Variants in PDE10A observed in about 807,000 individuals in gnomAD.
PDE10A encodes the protein cAMP and cAMP-inhibited cGMP 3',5'-cyclic phosphodiesterase 10A.
PDE10A carries 39 observed loss-of-function variants against 97.7 expected under a neutral mutation model. The ratio of observed to expected loss-of-function variants is 0.40; its 90% CI spans 0.31 to 0.52. The LOEUF (loss-of-function observed/expected upper bound fraction) is 0.52. Ranked by LOEUF, PDE10A falls within the 20% of genes least tolerant of loss-of-function variation. PDE10A has a pLI of 0.56. For missense variants in PDE10A, 731 were observed against 1,047.8 expected, an observed-to-expected ratio of 0.70 and a Z score of 4.17; for synonymous variants, 371 against 376.8, an observed-to-expected ratio of 0.98 and a Z score of 0.18.
At position 165,743,479 on chromosome 6, in the gene PDE10A, T is replaced by C. The variant is rs76397574; in HGVS notation, c.-614-199911A>G. ...AGGCATGCCTTCATCACACAAAGGC[T>C]GCCTTCATTTGCATCTCCGTCTGTA... On this transcript the variant is annotated intron_variant, in intron 1 of 19. Transcript: ENST00000366882. 1.4e-4 allele frequency among the ~76,000 whole-genome samples: 21 copies of C among 152,354 alleles called. No homozygotes were observed. The East Asian group carries it at 3.1e-3, about 22-fold the overall frequency.
chr6:165,944,550 CTGTG>C (rs1403310756), intron 1 of PDE10A, among the ~76,000 whole-genome samples: 1 of 152,182 alleles, frequency 6.6e-6, no homozygotes, highest in Non-Finnish European at 1.5e-5. Context: ...AAATGTATAA[CTGTG>C]TGCTACCATT....
intron 1 of PDE10A, among the ~76,000 whole-genome samples, chr6:165,902,265 T>G (rs1276353321): frequency 6.6e-6 from 1 of 152,232 alleles, no homozygotes; most frequent in Non-Finnish European, 1.5e-5. Context: ...CTCAGAGATC[T>G]GCAAACAGAT....
At chr6:165,413,217 A>G (rs1788029038) in intron 13 of PDE10A, among the ~76,000 whole-genome samples, 1 of 152,210 alleles carries the variant, frequency 6.6e-6, no homozygotes, top group South Asian at 2.1e-4. Flanking sequence ...AGATACCATT[A>G]AATATAAGAC....
chr6:165,501,454 A>AGGCTACTCG (rs1780879887), intron 2 of PDE10A, among the ~76,000 whole-genome samples: 1 of 152,006 alleles, frequency 6.6e-6, no homozygotes, highest in Non-Finnish European at 1.5e-5. Flanking sequence ...CCAGCTACTC[A>AGGCTACTCG]GGAGGCTACT....
chr6:165,662,126 C>A lies in PDE10A; in HGVS notation c.686G>T (p.Gly229Val), dbSNP rs1430249345. 4.3e-6 allele frequency: 4 copies of A among 934,802 alleles called. No individual in the cohort carries two copies. The highest frequency in any genetic ancestry group is 3.9e-6 in the Non-Finnish European group (3 of 777,324). The allele number at this position is 934,802 out of a possible 1,614,324, so 57.9% of individuals were successfully genotyped here. ...GCCGGCGCCGGGGAAGCCGGGGGAG[C>A]CCGCGCGGCGGGCGGCCTGGCCAAG... Reference protein sequence around the residue: ...LPLGQAARRAGSPGFPGAGPG... With the variant: ...LPLGQAARRAVSPGFPGAGPG... Residue 229 changes from glycine to valine, a missense_variant, in exon 1 of 22, where the codon GGC becomes GTC. By Grantham distance (109) the Gly-to-Val change is moderately radical. Coordinates refer to ENST00000539869, the MANE Select transcript of PDE10A (RefSeq NM_001385079.1).
intron 3 of PDE10A, among the ~76,000 whole-genome samples, chr6:165,477,337 A>T (rs1256539094): frequency 6.6e-6 from 1 of 152,018 alleles, no homozygotes; most frequent in Non-Finnish European, 1.5e-5. Flanking sequence ...CTGGTCCCAC[A>T]TCATTTACCC....
intron 1 of PDE10A, among the ~76,000 whole-genome samples, chr6:165,633,952 CAG>C (rs1788753890): frequency 6.6e-6 from 1 of 152,090 alleles, no homozygotes. Context: ...CAAATGTAAA[CAG>C]ACTCATAGGG....
chr6:165,509,275 T>G (rs1350939721), intron 2 of PDE10A, among the ~76,000 whole-genome samples: 1 of 152,008 alleles, frequency 6.6e-6, no homozygotes, highest in African/African-American at 2.4e-5. Context: ...TCCTTTCTTC[T>G]GGCTACTTTA....
chr6:165,598,962 C>T (rs1786774251), intron 1 of PDE10A, among the ~76,000 whole-genome samples: 1 of 152,024 alleles, frequency 6.6e-6, no homozygotes, highest in Admixed American at 6.6e-5. Flanking sequence ...TCTTTTCTAC[C>T]CTACGCAGAC....
At chr6:165,949,356 A>T (rs300101) in intron 1 of PDE10A, 1 of 152,068 alleles carries the variant, frequency 6.6e-6, no homozygotes. Context: ...GGAGGTGCCC[A>T]TGGCAGATGC....
chr6:165,458,688 C>G (rs1338216057), intron 3 of PDE10A, among the ~76,000 whole-genome samples: 2 of 151,656 alleles, frequency 1.3e-5, no homozygotes, highest in Non-Finnish European at 2.9e-5. Flanking sequence ...CACACACTCA[C>G]ACACACACAC....
intron 1 of PDE10A, among the ~76,000 whole-genome samples, chr6:165,737,562 A>G (rs895135409): frequency 6.6e-6 from 1 of 152,250 alleles, no homozygotes; most frequent in Non-Finnish European, 1.5e-5. Context: ...TGGTCATCTC[A>G]GTAGATGCAA....
At chr6:165,345,842 A>G (rs1434404969) in intron 18 of PDE10A, among the ~76,000 whole-genome samples, 1 of 152,232 alleles carries the variant, frequency 6.6e-6, no homozygotes, top group East Asian at 1.9e-4. Flanking sequence ...CAACAGGTCA[A>G]AACTTTCATG....
At chr6:165,578,349 G>A (rs1444831800) in intron 1 of PDE10A, among the ~76,000 whole-genome samples, 1 of 152,010 alleles carries the variant, frequency 6.6e-6, no homozygotes, top group Non-Finnish European at 1.5e-5. Context: ...CTCCCTGCAA[G>A]AATCCAGAAG....
intron 1 of PDE10A, among the ~76,000 whole-genome samples, chr6:165,718,528 T>C (rs941535783): frequency 2.0e-4 from 30 of 152,224 alleles, no homozygotes; most frequent in African/African-American, 6.7e-4. Context: ...CAGGATGCAA[T>C]GAGAATCAAC....
intron 1 of PDE10A, among the ~76,000 whole-genome samples, chr6:165,697,371 A>G (rs1216442870): frequency 6.6e-6 from 1 of 152,242 alleles, no homozygotes; most frequent in African/African-American, 2.4e-5. Flanking sequence ...GTTGAAAGAA[A>G]AGGAAAGCTG....
chr6:165,945,990 C>T (rs766756822), intron 1 of PDE10A, among the ~76,000 whole-genome samples: 14 of 152,164 alleles, frequency 9.2e-5, no homozygotes, highest in Non-Finnish European at 1.8e-4. Flanking sequence ...GTTTCCTTTG[C>T]TGTGCAGAAG....
intron 1 of PDE10A, among the ~76,000 whole-genome samples, chr6:165,943,179 GAA>G (rs1491164766): frequency 4.2e-5 from 2 of 47,472 alleles, no homozygotes; most frequent in African/African-American, 1.4e-4. Flanking sequence ...AAAGAAAAAA[GAA>G]AGAAAGAAAG....
At chr6:165,434,034 A>AG (rs1417095423) in intron 6 of PDE10A, among the ~76,000 whole-genome samples, 1 of 148,678 alleles carries the variant, frequency 6.7e-6, no homozygotes, top group Non-Finnish European at 1.5e-5. Flanking sequence ...AAAAAAAAAA[A>AG]AAAAGAAGTA....
Sources: gnomAD v4.1 joint callset for allele counts (sites outside exome capture counted in the v4.1 genomes callset) on GRCh38, gnomAD v4.1.1 for gene constraint, MANE v1.5 for transcripts, NCBI Gene and HGNC (gene_info 2026-07-23, HGNC 2026-07-21) for gene names.